Variants in NRG3 observed in about 807,000 individuals in gnomAD.
The protein encoded by NRG3 is neuregulin 3.
NRG3 carries 31 observed loss-of-function variants against 66.9 expected under a neutral mutation model. The ratio of observed to expected loss-of-function variants is 0.46; its 90% CI spans 0.35 to 0.63. The LOEUF (loss-of-function observed/expected upper bound fraction) is 0.63, where lower values mean the gene tolerates loss of function less well. NRG3 is among the 20% of genes least tolerant of loss of function. The pLI, the probability that NRG3 is intolerant of heterozygous loss-of-function variation, is 0.00. For missense variants in NRG3, 910 were observed against 878.9 expected, an observed-to-expected ratio of 1.04 and a Z score of -0.45; for synonymous variants, 393 against 359.4, an observed-to-expected ratio of 1.09 and a Z score of -1.06.
chr10:81,910,148 CCTGTAGAATCAGTGGCTGTGAGTCACCTA>C (rs1244931561), intron 1 of NRG3, among the ~76,000 whole-genome samples: 14 of 152,136 alleles, frequency 9.2e-5, no homozygotes, highest in African/African-American at 3.4e-4. Flanking sequence ...ACCCTAGAAT[CCTGTAGAATCAGTGGCTGTGAGTCACCTA>C]CTCTTTCCTT....
chr10:82,095,130 C>T (rs570630270), intron 1 of NRG3, among the ~76,000 whole-genome samples: 100 of 152,112 alleles, frequency 6.6e-4, no homozygotes, highest in Admixed American at 1.2e-3. Flanking sequence ...CTTTTGGGAA[C>T]CTGAAGATAA....
chr10:82,086,387 T>C (rs1009201151), intron 1 of NRG3, among the ~76,000 whole-genome samples: 2 of 152,134 alleles, frequency 1.3e-5, no homozygotes, highest in African/African-American at 2.4e-5. Context: ...TTTGAAGTGA[T>C]GGAAATCAGA....
intron 3 of NRG3, among the ~76,000 whole-genome samples, chr10:82,743,682 G>T (rs1774193565): frequency 6.6e-6 from 1 of 152,002 alleles, no homozygotes; most frequent in Admixed American, 6.6e-5. Flanking sequence ...AGAGCCAAGT[G>T]GTGCCCCTTT....
intron 1 of NRG3, among the ~76,000 whole-genome samples, chr10:82,210,178 G>A (rs1293497350): frequency 6.6e-6 from 1 of 152,124 alleles, no homozygotes; most frequent in Non-Finnish European, 1.5e-5. Context: ...AAATTGCCAA[G>A]TATAAAGACT....
chr10:82,626,639 C>T (rs2049441878), intron 2 of NRG3, among the ~76,000 whole-genome samples: 1 of 152,110 alleles, frequency 6.6e-6, no homozygotes, highest in Non-Finnish European at 1.5e-5. Flanking sequence ...AGGGATATTA[C>T]AACTAATTTT....
intron 1 of NRG3, among the ~76,000 whole-genome samples, chr10:82,122,540 C>A (rs147174139): frequency 6.6e-6 from 1 of 152,254 alleles, no homozygotes; most frequent in Non-Finnish European, 1.5e-5. Context: ...GAGTTGAATT[C>A]TTTCTCTCTC....
intron 1 of NRG3, among the ~76,000 whole-genome samples, chr10:81,973,500 G>A (rs531458578): frequency 6.6e-6 from 1 of 152,226 alleles, no homozygotes; most frequent in East Asian, 1.9e-4. Context: ...TTCCACAATG[G>A]CTGAACTAAT....
At chr10:81,920,806 G>A (rs1026471231) in intron 1 of NRG3, among the ~76,000 whole-genome samples, 1 of 151,822 alleles carries the variant, frequency 6.6e-6, no homozygotes, top group Non-Finnish European at 1.5e-5. Flanking sequence ...ATTTTTCCTT[G>A]TTATACATCT....
intron 2 of NRG3, among the ~76,000 whole-genome samples, chr10:82,573,940 T>A (rs1315715316): frequency 6.6e-6 from 1 of 151,758 alleles, no homozygotes. Flanking sequence ...GTGCAGGAAT[T>A]TCAATTAGTA....
chr10:82,410,569 C>T (rs1236506410), intron 2 of NRG3, among the ~76,000 whole-genome samples: 4 of 150,702 alleles, frequency 2.7e-5, no homozygotes, highest in Middle Eastern at 3.5e-3. Context: ...TGGGGAATGA[C>T]TGATAATAGG....
intron 3 of NRG3, among the ~76,000 whole-genome samples, chr10:82,832,804 TTGTGTG>T (rs139438548): frequency 6.8e-4 from 100 of 148,008 alleles, no homozygotes; most frequent in African/African-American, 2.0e-3. Flanking sequence ...ATGCATGTAA[TTGTGTG>T]TGTGTGTGTG....
At chr10:82,387,090 G>A (rs1393653708) in intron 2 of NRG3, among the ~76,000 whole-genome samples, 1 of 152,184 alleles carries the variant, frequency 6.6e-6, no homozygotes, top group African/African-American at 2.4e-5. Context: ...GTAAGCCACC[G>A]CACCCAGCCT....
At chr10:81,911,665 G>T (rs1400403262) in intron 1 of NRG3, among the ~76,000 whole-genome samples, 1 of 106,884 alleles carries the variant, frequency 9.4e-6, no homozygotes, top group Non-Finnish European at 1.8e-5. Context: ...TTCCTTCACT[G>T]CATGTATTTT....
intron 1 of NRG3, among the ~76,000 whole-genome samples, chr10:82,031,332 A>G (rs2062558500): frequency 6.6e-6 from 1 of 152,134 alleles, no homozygotes; most frequent in South Asian, 2.1e-4. Flanking sequence ...GATACTCTCT[A>G]GAAAGCATCT....
At chr10:82,778,945 G>C (rs557238699) in intron 3 of NRG3, among the ~76,000 whole-genome samples, 1 of 152,222 alleles carries the variant, frequency 6.6e-6, no homozygotes, top group African/African-American at 2.4e-5. Context: ...CCAAGGAGAA[G>C]GAGCTGCAGC....
chr10:82,770,140 C>T (rs2059661416), intron 3 of NRG3, among the ~76,000 whole-genome samples: 1 of 152,116 alleles, frequency 6.6e-6, no homozygotes, highest in Non-Finnish European at 1.5e-5. Flanking sequence ...TACTCTTACT[C>T]TCCATTCTGT....
At chr10:82,734,972 A>C (rs556350920) in intron 2 of NRG3, among the ~76,000 whole-genome samples, 1 of 150,228 alleles carries the variant, frequency 6.7e-6, no homozygotes, top group South Asian at 2.1e-4. Flanking sequence ...TAGCCACTGC[A>C]TGCCAGCCTG....
In NRG3 at chr10:82,887,058, T is replaced by G. The variant is rs560015131; in HGVS notation, c.1054+21621T>G. On this transcript the variant is annotated intron_variant, in intron 4 of 8. Coordinates refer to ENST00000372141, the MANE Select transcript of NRG3 (RefSeq NM_001010848.4). ...GAAATGTCTCACGCAGTCATTATTTTGATCTGGCTAAAGATGCAGTGTAGC... is the reference window on the plus strand; with the variant it reads ...GAAATGTCTCACGCAGTCATTATTTGGATCTGGCTAAAGATGCAGTGTAGC... Among the ~76,000 whole-genome samples the G allele has an allele frequency of 2.3e-4, 35 of 152,334 alleles. No homozygotes were observed. The South Asian group carries it at 7.2e-3, about 32-fold the overall frequency.
At chr10:82,196,150 T>A (rs1430522516) in intron 1 of NRG3, among the ~76,000 whole-genome samples, 2 of 152,194 alleles carry the variant, frequency 1.3e-5, no homozygotes, top group South Asian at 2.1e-4. Context: ...TCACAGTGTA[T>A]AAATGGGTGA....
Sources: gnomAD v4.1 joint callset for allele counts (sites outside exome capture counted in the v4.1 genomes callset) on GRCh38, gnomAD v4.1.1 for gene constraint, MANE v1.5 for transcripts, NCBI Gene and HGNC (gene_info 2026-07-23, HGNC 2026-07-21) for gene names.